Variants in PUS7 observed in about 807,000 individuals in gnomAD.
PUS7 encodes pseudouridylate synthase 7 homolog.
PUS7 carries 48 observed loss-of-function variants against 79.8 expected under a neutral mutation model. The observed-to-expected ratio is 0.60, with a 90% CI of 0.48 to 0.76. The LOEUF is 0.76. PUS7 is among the 30% of genes least tolerant of loss of function. The probability of loss-of-function intolerance (pLI) is 0.00; values close to 1 mark genes in which losing one functional copy is unlikely to be tolerated. For missense variants in PUS7, 729 were observed against 797.6 expected (o/e 0.91, Z 1.04); for synonymous variants, 286 against 272.2 (o/e 1.05, Z -0.50).
At chr7:105,475,728 A>G (rs1824081547) in intron 9 of PUS7, among the ~76,000 whole-genome samples, 1 of 152,140 alleles carries the variant, frequency 6.6e-6, no homozygotes, top group Non-Finnish European at 1.5e-5. Context: ...ATTTTTAAGT[A>G]TACAGTTCTG....
At chr7:105,473,843 C>T (rs1823974584) in intron 9 of PUS7, among the ~76,000 whole-genome samples, 1 of 152,210 alleles carries the variant, frequency 6.6e-6, no homozygotes, top group Non-Finnish European at 1.5e-5. Context: ...CATGAGCCAC[C>T]ATGCCTGGCC....
At chr7:105,459,920 A>C (rs2133025640) in intron 14 of PUS7, among the ~76,000 whole-genome samples, 1 of 152,050 alleles carries the variant, frequency 6.6e-6, no homozygotes, top group Non-Finnish European at 1.5e-5. Flanking sequence ...TAATAATTAA[A>C]ATTTTAAAAA....
chr7:105,460,163 C>T (rs1392200776), intron 14 of PUS7, among the ~76,000 whole-genome samples: 1 of 152,066 alleles, frequency 6.6e-6, no homozygotes, highest in Admixed American at 6.5e-5. Flanking sequence ...TGGTCTCGAT[C>T]TCCTGAGCTC....
intron 4 of PUS7, among the ~76,000 whole-genome samples, chr7:105,504,971 A>G (rs939465212): frequency 6.6e-6 from 1 of 151,878 alleles, no homozygotes; most frequent in African/African-American, 2.4e-5. Flanking sequence ...CCCATAGCTC[A>G]TTAAAATGTA....
chr7:105,501,968 AAATAT>A lies in PUS7; in HGVS notation c.730+447_730+451del, dbSNP rs1426800390. On this transcript the variant is annotated intron_variant, in intron 5 of 15. Transcript: ENST00000469408. ...AGACTCCGTCTCAAAAAAAAAAAAA[AAATAT>A]ATATATATATATATATATAGGGGCC... 5.2e-3 allele frequency among the ~76,000 whole-genome samples: 516 copies of A among 99,452 alleles called. 4 individuals are homozygous for A. The highest frequency in any genetic ancestry group is 0.02 in the African/African-American group (497 of 24,988). The allele number at this position is 99,452 out of a possible 152,430, so 65.2% of individuals were successfully genotyped here.
At position 105,468,211 on chromosome 7, in the gene PUS7, G is replaced by A. The variant is rs1823734669; in HGVS notation, c.1525+126C>T. On this transcript the variant is annotated intron_variant, in intron 12 of 15. Transcript: ENST00000469408. ...GCCACCCAAAGTGTCAGGATTATGG[G>A]CGTGTACCACCGTGCCTCACCACAT... The A allele has an allele frequency of 3.9e-6, 5 of 1,292,728 alleles. No individual in the cohort carries two copies. In the East Asian group the frequency reaches 9.7e-5, roughly 25 times the overall value. 80.1% of individuals were successfully genotyped at this position (1,292,728 alleles called of 1,614,324 possible).
intron 7 of PUS7, among the ~76,000 whole-genome samples, chr7:105,485,084 A>G (rs891452492): frequency 1.3e-5 from 2 of 151,898 alleles, no homozygotes; most frequent in Non-Finnish European, 2.9e-5. Flanking sequence ...GCTGGTCTCA[A>G]ACTCAAGTGA....
chr7:105,519,483 G>A (rs185010500), intron 1 of PUS7, among the ~76,000 whole-genome samples: 12 of 152,200 alleles, frequency 7.9e-5, no homozygotes, highest in Non-Finnish European at 1.2e-4. Context: ...GACCTCAAAC[G>A]AGCTGCCTGC....
chr7:105,482,521 G>A (rs1824366800), intron 7 of PUS7, 81 bp from the exon 8 acceptor site: 1 of 1,426,494 alleles, frequency 7.0e-7, no homozygotes, highest in Non-Finnish European at 9.5e-7. Context: ...GCTTGGAACA[G>A]TACAGAAAAC....
intron 1 of PUS7, among the ~76,000 whole-genome samples, chr7:105,520,321 T>TGGTGGCGGGCGC (rs1826056564): frequency 6.6e-6 from 1 of 151,894 alleles, no homozygotes; most frequent in African/African-American, 2.4e-5. Context: ...TAGCCGGGCG[T>TGGTGGCGGGCGC]GGTGGCGGGC....
rs560074146 is a variant in PUS7 at position 105,457,430 on chromosome 7, C to G, written c.*360G>C. On this transcript the variant is annotated 3_prime_UTR_variant, in exon 16 of 16. Coordinates refer to ENST00000469408, the MANE Select transcript of PUS7 (RefSeq NM_019042.5). ...CTCTTAAAATGCATTGTTGTATACT[C>G]CATCACAGATGTGTCAAATACTCCT... The G allele has an allele frequency of 6.1e-6, 1 of 164,408 alleles. No homozygotes were observed. The highest frequency in any genetic ancestry group is 2.4e-5 in the African/African-American group (1 of 41,696). 10.2% of individuals were successfully genotyped at this position (164,408 alleles called of 1,614,324 possible). A position where few individuals can be genotyped will look rare whatever the true frequency, so the allele number is the denominator to read the frequency against.
At chr7:105,496,196 C>CATATATAT (rs1159713098) in intron 5 of PUS7, among the ~76,000 whole-genome samples, 1 of 81,538 alleles carries the variant, frequency 1.2e-5, no homozygotes, top group East Asian at 4.1e-4. Flanking sequence ...CACACACACA[C>CATATATAT]ATATATATAT....
Position 105,502,517 on chromosome 7 carries a change from G to A in PUS7, c.633C>T (p.Ile211=), listed in dbSNP as rs1326853614. The A allele has an allele frequency of 6.2e-7, 1 of 1,613,982 alleles. No individual in the cohort carries two copies. The highest frequency in any genetic ancestry group is 1.1e-5 in the South Asian group (1 of 91,076). The change falls in exon 5 of 16, where the codon ATC becomes ATT. Residue 211 remains isoleucine, a synonymous_variant. Transcript: ENST00000469408. ...KEKRTIIHQA[I]KSLFPGLETK... Reference sequence around the variant, plus strand: ...TCTCTAATCCTGGAAACAGAGATTTGATAGCCTGATGGATGATGGTTCTTT... The same window carrying A: ...TCTCTAATCCTGGAAACAGAGATTTAATAGCCTGATGGATGATGGTTCTTT...
intron 9 of PUS7, among the ~76,000 whole-genome samples, chr7:105,476,839 G>A (rs955936401): frequency 5.3e-5 from 8 of 152,120 alleles, no homozygotes; most frequent in Non-Finnish European, 1.0e-4. Context: ...GTTTCGATTT[G>A]TATCTCCCTA....
intron 9 of PUS7, among the ~76,000 whole-genome samples, chr7:105,478,610 TAAAG>T (rs1029340670): frequency 6.6e-6 from 1 of 152,244 alleles, no homozygotes. Context: ...TTACATTATT[TAAAG>T]AAAGGTCTGT....
Position 105,457,466 on chromosome 7 carries a change from G to A in PUS7, c.*324C>T, listed in dbSNP as rs934189557. 1.1e-5 allele frequency: 2 copies of A among 182,484 alleles called. No homozygotes were observed. Among genetic ancestry groups the A allele is most frequent in the Non-Finnish European group, 2.3e-5 (2 of 87,530 alleles). The allele number at this position is 182,484 out of a possible 1,614,324, so 11.3% of individuals were successfully genotyped here. A position where few individuals can be genotyped will look rare whatever the true frequency, so the allele number is the denominator to read the frequency against. On this transcript the variant is annotated 3_prime_UTR_variant, in exon 16 of 16. Coordinates refer to ENST00000469408, the MANE Select transcript of PUS7 (RefSeq NM_019042.5). Reference sequence around the variant, plus strand: ...GTGTCAAATACTCCTGCTGTCTTTTGAGAATGTAGCAAAACCTAAACCTGC... The same window carrying A: ...GTGTCAAATACTCCTGCTGTCTTTTAAGAATGTAGCAAAACCTAAACCTGC...
chr7:105,515,783 T>G (rs938357147), intron 1 of PUS7, among the ~76,000 whole-genome samples: 1 of 135,272 alleles, frequency 7.4e-6, no homozygotes, highest in African/African-American at 2.8e-5. Context: ...GTTTTGTATT[T>G]TATTTTATTT....
At position 105,500,033 on chromosome 7, in the gene PUS7, C is replaced by T. The variant is rs114012946; in HGVS notation, c.730+2387G>A. Among the ~76,000 whole-genome samples, 421 of 152,240 alleles carry T rather than the reference C, an allele frequency of 2.8e-3. 3 individuals are homozygous for T. The highest frequency in any genetic ancestry group is 9.7e-3 in the African/African-American group (404 of 41,546). ...TGAATGCAGGCTCCTAAGTGCCCATCTGTGCCAGGGGTGGCCTTCCATGAG... is the reference window on the plus strand; with the variant it reads ...TGAATGCAGGCTCCTAAGTGCCCATTTGTGCCAGGGGTGGCCTTCCATGAG... On this transcript the variant is annotated intron_variant, in intron 5 of 15. Transcript: ENST00000469408.
At chr7:105,468,897 T>C (rs899240118) in intron 11 of PUS7, among the ~76,000 whole-genome samples, 1 of 151,968 alleles carries the variant, frequency 6.6e-6, no homozygotes, top group African/African-American at 2.4e-5. Flanking sequence ...TACTTATTTA[T>C]TTACTTTTAT....
Sources: gnomAD v4.1 joint callset for allele counts (sites outside exome capture counted in the v4.1 genomes callset) on GRCh38, gnomAD v4.1.1 for gene constraint, MANE v1.5 for transcripts, NCBI Gene and HGNC (gene_info 2026-07-23, HGNC 2026-07-21) for gene names.